NPEPPS: variants seen among roughly 807,000 people sequenced by gnomAD.
NPEPPS encodes puromycin-sensitive aminopeptidase.
In NPEPPS, 14 loss-of-function variants were observed where a neutral mutation model predicts 115.5. That is an observed-to-expected ratio of 0.12 (90% CI 0.08 to 0.19). NPEPPS has a LOEUF of 0.19. NPEPPS is among the 10% of genes least tolerant of loss of function. The pLI, the probability that NPEPPS is intolerant of heterozygous loss-of-function variation, is 1.00. For synonymous variants in NPEPPS, 285 were observed against 390.6 expected, an observed-to-expected ratio of 0.73 and a Z score of 3.19; for missense variants, 523 against 1,110.8, an observed-to-expected ratio of 0.47 and a Z score of 7.52.
intron 3 of NPEPPS, among the ~76,000 whole-genome samples, chr17:47,576,498 A>G (rs898627537): frequency 3.9e-5 from 6 of 152,342 alleles, no homozygotes; most frequent in African/African-American, 1.2e-4. Context: ...TTTTCCAAAG[A>G]AAAAAAGAAG....
rs115317493 is a variant in NPEPPS, at chr17:47,559,198, C to T, written c.341-10219C>T. 2.4e-3 allele frequency among the ~76,000 whole-genome samples: 361 copies of T among 152,216 alleles called. 1 individual carries two copies. The highest frequency in any genetic ancestry group is 8.4e-3 in the African/African-American group (350 of 41,554). ...AGCTGGAACTACAGATATACGCTACCGTGGTGCCTGGCTAATTTTTTTTAG... is the reference window on the plus strand; with the variant it reads ...AGCTGGAACTACAGATATACGCTACTGTGGTGCCTGGCTAATTTTTTTTAG... On this transcript the variant is annotated intron_variant, in intron 2 of 22. Transcript: ENST00000322157.
intron 2 of NPEPPS, among the ~76,000 whole-genome samples, chr17:47,555,347 CTTTTTT>C (rs11301327): frequency 8.5e-6 from 1 of 118,148 alleles, no homozygotes; most frequent in Admixed American, 9.2e-5. Context: ...GTATGCTGTT[CTTTTTT>C]TTTTTTTTTT....
At chr17:47,564,427 G>A (rs933689815) in intron 2 of NPEPPS, among the ~76,000 whole-genome samples, 8 of 151,792 alleles carry the variant, frequency 5.3e-5, no homozygotes, top group Admixed American at 3.3e-4. Context: ...GTGTGGAAAC[G>A]GAGGCTTAGA....
chr17:47,611,994 T>G (rs1474680228), intron 17 of NPEPPS, among the ~76,000 whole-genome samples: 2 of 152,230 alleles, frequency 1.3e-5, no homozygotes, highest in African/African-American at 4.8e-5. Context: ...TTAAACATCT[T>G]TTTATGTGCT....
intron 17 of NPEPPS, among the ~76,000 whole-genome samples, chr17:47,608,268 C>CT (rs1913633903): frequency 6.6e-6 from 1 of 152,066 alleles, no homozygotes; most frequent in East Asian, 1.9e-4. Context: ...CAAGCCTGGC[C>CT]AACATGGTGA....
At chr17:47,607,729 A>G (rs1446608802) in intron 17 of NPEPPS, among the ~76,000 whole-genome samples, 4 of 152,202 alleles carry the variant, frequency 2.6e-5, no homozygotes, top group South Asian at 2.1e-4. Flanking sequence ...AACTGAAACT[A>G]TTTGGTGAAG....
intron 1 of NPEPPS, among the ~76,000 whole-genome samples, chr17:47,534,864 C>T (rs1908079726): frequency 6.6e-6 from 1 of 151,888 alleles, no homozygotes; most frequent in South Asian, 2.1e-4. Context: ...CCACCATGCC[C>T]GGCCAACTTA....
intron 2 of NPEPPS, among the ~76,000 whole-genome samples, chr17:47,554,875 G>A (rs1022530857): frequency 6.6e-6 from 1 of 152,190 alleles, no homozygotes; most frequent in Admixed American, 6.5e-5. Context: ...TGGATAGGTC[G>A]GAGAAAGGGA....
intron 3 of NPEPPS, among the ~76,000 whole-genome samples, chr17:47,575,897 C>G (rs764903511): frequency 2.6e-5 from 4 of 152,014 alleles, no homozygotes; most frequent in Non-Finnish European, 2.9e-5. Flanking sequence ...TGTGAGCCAC[C>G]ACGCCCCACC....
intron 2 of NPEPPS, among the ~76,000 whole-genome samples, chr17:47,558,160 C>T (rs1256773451): frequency 1.3e-5 from 2 of 152,074 alleles, no homozygotes; most frequent in Non-Finnish European, 2.9e-5. Context: ...TGGAGTCTCG[C>T]TCTGCTGCCG....
At chr17:47,546,811 G>C (rs1909250750) in intron 2 of NPEPPS, among the ~76,000 whole-genome samples, 1 of 152,116 alleles carries the variant, frequency 6.6e-6, no homozygotes, top group Non-Finnish European at 1.5e-5. Context: ...TGGGATTACA[G>C]ATGTGAGCCA....
Position 47,599,721 on chromosome 17 carries a change from G to C in NPEPPS, c.1582G>C (p.Ala528Pro). ...GAGGTTGTCCCAAAAGAAGTTCTGT[G>C]CTGGTGGGTCATATGTTGGTAAGTA... ...LLRLSQKKFC[A>P]GGSYVGEDCP... is the part of the protein sequence containing the mutation. Residue 528 changes from alanine to proline, a missense_variant, in exon 14 of 23, where the codon GCT (alanine) becomes CCT (proline). Physicochemically the swap from Ala to Pro is conservative, Grantham distance 27. Coordinates refer to ENST00000322157, the MANE Select transcript of NPEPPS (RefSeq NM_006310.4). 1 of 1,562,200 alleles carries C rather than the reference G, an allele frequency of 6.4e-7. No homozygotes were observed. Among genetic ancestry groups the C allele is most frequent in the Non-Finnish European group, 8.7e-7 (1 of 1,151,620 alleles).
chr17:47,536,771 G>A (rs1660711873), intron 1 of NPEPPS, among the ~76,000 whole-genome samples: 1 of 139,896 alleles, frequency 7.1e-6, no homozygotes, highest in Non-Finnish European at 1.5e-5. Flanking sequence ...GAGTGCAATG[G>A]CGCGATCTCG....
chr17:47,590,908 C>G (rs1325465399), intron 10 of NPEPPS, 27 bp downstream of exon 10: 1 of 1,503,140 alleles, frequency 6.7e-7, no homozygotes, highest in Non-Finnish European at 8.9e-7. Context: ...AACCATTAGC[C>G]TATGACTGCT....
intron 9 of NPEPPS, among the ~76,000 whole-genome samples, chr17:47,590,110 T>G (rs1049298729): frequency 6.5e-4 from 99 of 152,234 alleles, no homozygotes; most frequent in African/African-American, 2.3e-3. Context: ...GCGGGAGGAT[T>G]GCTTGAGCCC....
chr17:47,561,380 G>T (rs1462011588), intron 2 of NPEPPS, among the ~76,000 whole-genome samples: 3 of 151,506 alleles, frequency 2.0e-5, no homozygotes, highest in East Asian at 1.9e-4. Flanking sequence ...GATTGGGGGG[G>T]TGCTATGATA....
At chr17:47,569,911 G>T (rs1039081193) in intron 3 of NPEPPS, among the ~76,000 whole-genome samples, 3 of 152,064 alleles carry the variant, frequency 2.0e-5, no homozygotes, top group East Asian at 1.9e-4. Context: ...GAGCCACCGC[G>T]CCCAGCCGTA....
At chr17:47,558,775 T>G (rs1188828569) in intron 2 of NPEPPS, among the ~76,000 whole-genome samples, 1 of 151,970 alleles carries the variant, frequency 6.6e-6, no homozygotes, top group Non-Finnish European at 1.5e-5. Flanking sequence ...TGGCTGACGC[T>G]TGTAATCCCA....
At chr17:47,585,921 G>T (rs1276863903) in intron 6 of NPEPPS, 2 of 567,748 alleles carry the variant, frequency 3.5e-6, no homozygotes, top group Non-Finnish European at 6.2e-6. Context: ...TAGGGAATGG[G>T]TTGGAAAATA....
Sources: allele counts gnomAD v4.1 joint callset (sites outside exome capture counted in the v4.1 genomes callset), GRCh38; gene constraint gnomAD v4.1.1; transcripts MANE v1.5; gene names NCBI Gene and HGNC (gene_info 2026-07-23, HGNC 2026-07-21).